The following STK32C variants were observed in gnomAD, a reference collection of about 807,000 sequenced individuals.
STK32C encodes the protein serine/threonine kinase 32C, also known as serine/threonine-protein kinase 32C.
A neutral mutation model predicts 56.5 loss-of-function variants in STK32C; 31 were observed. The observed-to-expected ratio is 0.55, with a 90% CI of 0.41 to 0.74. The LOEUF is 0.74. Among genes scored for constraint, STK32C ranks in the 30% least tolerant of loss-of-function variants. STK32C has a pLI of 0.00. For missense variants in STK32C, 544 were observed against 676.9 expected (o/e 0.80, Z 2.18); for synonymous variants, 309 against 289.4 (o/e 1.07, Z -0.69).
At chr10:132,330,407 T>C (rs2066631578) in intron 1 of STK32C, 5 of 716,872 alleles carry the variant, frequency 7.0e-6, no homozygotes, top group Non-Finnish European at 1.3e-5. Flanking sequence ...CCCATGTCAC[T>C]CCTCATTCTC....
chr10:132,208,938 C>T (rs889081281), intron 11 of STK32C, 96 bp downstream of exon 11: 5 of 1,181,340 alleles, frequency 4.2e-6, no homozygotes, highest in Admixed American at 2.0e-5. Flanking sequence ...GCACCCCAGG[C>T]CCACAGGTGC....
chr10:132,245,789 C>G, intron 2 of STK32C, 111 bp downstream of exon 2: 2 of 1,105,736 alleles, frequency 1.8e-6, no homozygotes, highest in Admixed American at 1.9e-5. Flanking sequence ...CCAGGTAAGG[C>G]TGCTTCTCCC....
At chr10:132,283,004 C>T (rs912405224) in intron 1 of STK32C, among the ~76,000 whole-genome samples, 1 of 152,216 alleles carries the variant, frequency 6.6e-6, no homozygotes, top group Non-Finnish European at 1.5e-5. Context: ...AATCACATTC[C>T]CAGGGGTCCT....
chr10:132,304,941 C>T (rs1213658936), intron 1 of STK32C, among the ~76,000 whole-genome samples: 2 of 152,180 alleles, frequency 1.3e-5, no homozygotes, highest in African/African-American at 4.8e-5. Context: ...GCTGTGACCC[C>T]GAGACGGGCG....
At chr10:132,208,620 AGCT>A (rs2062183103) in intron 11 of STK32C, among the ~76,000 whole-genome samples, 1 of 152,132 alleles carries the variant, frequency 6.6e-6, no homozygotes, top group African/African-American at 2.4e-5. Flanking sequence ...CCACCGTGGC[AGCT>A]GCTGCTATTT....
intron 2 of STK32C, among the ~76,000 whole-genome samples, chr10:132,234,333 G>A (rs2063201525): frequency 6.6e-6 from 1 of 152,142 alleles, no homozygotes; most frequent in Non-Finnish European, 1.5e-5. Context: ...CCCGAGTTCT[G>A]GGAGGCACCT....
intron 1 of STK32C, among the ~76,000 whole-genome samples, chr10:132,282,473 A>ACCTGTG (rs1564774966): frequency 1.6e-5 from 2 of 125,380 alleles, no homozygotes; most frequent in Non-Finnish European, 3.5e-5. Context: ...GCCCACCTGT[A>ACCTGTG]CCTGCGCCCA....
chr10:132,238,875 A>C (rs139111537), intron 2 of STK32C, among the ~76,000 whole-genome samples: 7 of 152,210 alleles, frequency 4.6e-5, no homozygotes, highest in Non-Finnish European at 8.8e-5. Flanking sequence ...ACGTTCATGT[A>C]CACAGGTATG....
At chr10:132,234,629 T>C (rs2063211853) in intron 2 of STK32C, among the ~76,000 whole-genome samples, 1 of 152,148 alleles carries the variant, frequency 6.6e-6, no homozygotes, top group African/African-American at 2.4e-5. Context: ...ATGCCAGGGC[T>C]CTCCCCCTCC....
intron 1 of STK32C, among the ~76,000 whole-genome samples, chr10:132,326,146 T>C (rs1238560990): frequency 6.6e-6 from 1 of 152,204 alleles, no homozygotes. Context: ...GATCCAGTTA[T>C]GTTAGATTCT....
In STK32C at chr10:132,207,806, G is replaced by A. The variant is rs2062146224; in HGVS notation, c.*204C>T. The A allele has an allele frequency of 1.7e-6, 1 of 592,518 alleles. No individual in the cohort carries two copies. Among genetic ancestry groups the A allele is most frequent in the South Asian group, 9.3e-5 (1 of 10,786 alleles). 36.7% of individuals were successfully genotyped at this position (592,518 alleles called of 1,614,324 possible). ...CGGGTCTCGGGGGCCCACGGGAAAT[G>A]CCCTCCACAGGTGTCCCCTGCACCC... On this transcript the variant is annotated 3_prime_UTR_variant, in exon 12 of 12. Coordinates refer to ENST00000298630, the MANE Select transcript of STK32C (RefSeq NM_173575.4).
At chr10:132,272,840 C>T (rs990882917) in intron 1 of STK32C, among the ~76,000 whole-genome samples, 2 of 152,208 alleles carry the variant, frequency 1.3e-5, no homozygotes, top group Admixed American at 6.5e-5. Context: ...GCCAGCAAGC[C>T]GTCCAGGACC....
At chr10:132,237,989 C>A (rs2063353547) in intron 2 of STK32C, among the ~76,000 whole-genome samples, 1 of 152,226 alleles carries the variant, frequency 6.6e-6, no homozygotes, top group Non-Finnish European at 1.5e-5. Context: ...TGGTCAGACC[C>A]AGCACAGCCT....
chr10:132,275,552 C>T (rs1229633491), intron 1 of STK32C, among the ~76,000 whole-genome samples: 1 of 152,236 alleles, frequency 6.6e-6, no homozygotes, highest in Non-Finnish European at 1.5e-5. Context: ...TCAGTGCCCG[C>T]TCTTCCTTCT....
chr10:132,209,121 CGTG>C lies in STK32C; in HGVS notation c.1252-23_1252-21del. 6.2e-7 allele frequency: 1 copy of C among 1,611,268 alleles called. No individual in the cohort carries two copies. The highest frequency in any genetic ancestry group is 8.5e-7 in the Non-Finnish European group (1 of 1,177,852). Reference sequence around the variant, plus strand: ...ATTCTCCTGTGGATGGAAAGGCACACGTGAGCGTGGGGGACGCTGTCCAGGTTC... The same window carrying C: ...ATTCTCCTGTGGATGGAAAGGCACACAGCGTGGGGGACGCTGTCCAGGTTC... On this transcript the variant is annotated intron_variant, in intron 10 of 11. Coordinates refer to ENST00000298630, the MANE Select transcript of STK32C (RefSeq NM_173575.4).
At chr10:132,209,357 C>T (rs371377546) in intron 10 of STK32C, 25 of 699,952 alleles carry the variant, frequency 3.6e-5, no homozygotes, top group African/African-American at 8.7e-5. Flanking sequence ...GGACTTGCTC[C>T]GTGGGGCCTG....
chr10:132,305,634 T>A (rs1345059105), intron 1 of STK32C, among the ~76,000 whole-genome samples: 2 of 152,154 alleles, frequency 1.3e-5, no homozygotes, highest in Non-Finnish European at 1.5e-5. Context: ...TAAAAGACTC[T>A]CCTTTCTCCT....
rs774660419 is a variant in STK32C, at chr10:132,228,301, CACATATGGTA to C, written c.319-183_319-174del. 1,534 of 723,268 alleles carry C rather than the reference CACATATGGTA, an allele frequency of 2.1e-3. 7 individuals carry two copies. Among genetic ancestry groups the C allele is most frequent in the Non-Finnish European group, 3.3e-3 (1,359 of 414,246 alleles). The allele number at this position is 723,268 out of a possible 1,614,324, so 44.8% of individuals were successfully genotyped here. On this transcript the variant is annotated intron_variant, in intron 2 of 11. Transcript: ENST00000298630. ...ACGCGGCAGGTGCATTCCTCTCTGC[CACATATGGTA>C]ACATATTTGCTCTGGGGATTAAGAT...
chr10:132,207,942 C>T lies in STK32C; in HGVS notation c.*68G>A. The stretch of plus-strand genomic sequence containing the variant: ...GGAACGTGAATGCCAGGCCTCGGCC[C>T]ATGGCCCTCCCTCTGGCAGCCGAGT... On this transcript the variant is annotated 3_prime_UTR_variant, in exon 12 of 12. Transcript: ENST00000298630. 7.9e-7 allele frequency: 1 copy of T among 1,258,688 alleles called. No individual in the cohort carries two copies. Among genetic ancestry groups the T allele is most frequent in the Non-Finnish European group, 1.0e-6 (1 of 995,846 alleles). The allele number at this position is 1,258,688 out of a possible 1,614,324, so 78.0% of individuals were successfully genotyped here.
Sources: gnomAD v4.1 joint callset for allele counts (sites outside exome capture counted in the v4.1 genomes callset) on GRCh38, gnomAD v4.1.1 for gene constraint, MANE v1.5 for transcripts, NCBI Gene and HGNC (gene_info 2026-07-23, HGNC 2026-07-21) for gene names.